Variants in SSBP2 observed in about 807,000 individuals in gnomAD.
SSBP2 encodes the protein single stranded DNA binding protein 2, also known as single-stranded DNA-binding protein 2.
In SSBP2, 17 loss-of-function variants were observed where a neutral mutation model predicts 61.8. The observed-to-expected ratio is 0.28, with a 90% CI of 0.19 to 0.41. The LOEUF (loss-of-function observed/expected upper bound fraction) is 0.41, where lower values mean the gene tolerates loss of function less well. SSBP2 is among the 10% of genes least tolerant of loss of function. SSBP2 has a pLI of 1.00. For missense variants in SSBP2, 310 were observed against 458.7 expected, an observed-to-expected ratio of 0.68 and a Z score of 2.96; for synonymous variants, 139 against 141.3, an observed-to-expected ratio of 0.98 and a Z score of 0.12.
chr5:81,547,481 CTT>C, intron 4 of SSBP2, among the ~76,000 whole-genome samples: 1 of 148,428 alleles, frequency 6.7e-6, no homozygotes, highest in Non-Finnish European at 1.5e-5. Context: ...TTTTTTTTTT[CTT>C]TGAGACAGGA....
At chr5:81,533,665 C>T (rs1430286555) in intron 4 of SSBP2, among the ~76,000 whole-genome samples, 3 of 152,038 alleles carry the variant, frequency 2.0e-5, no homozygotes, top group Admixed American at 6.6e-5. Context: ...CAAGGCAAAC[C>T]ACTGCCCCCA....
rs1160080305 is a variant in SSBP2, at chr5:81,445,138, T to TTATATATATATATATA, written c.778+1714_778+1729dup. 1.2e-3 allele frequency among the ~76,000 whole-genome samples: 39 copies of TTATATATATATATATA among 33,862 alleles called. 1 individual carries two copies. The highest frequency in any genetic ancestry group is 2.1e-3 in the Admixed American group (4 of 1,886). The allele number at this position is 33,862 out of a possible 152,430, so 22.2% of individuals were successfully genotyped here. On this transcript the variant is annotated intron_variant, in intron 12 of 16. Transcript: ENST00000320672. ...TGTCTCAGCAAAGAAAAAAAAAATT[T>TTATATATATATATATA]TATATATATATATATATATATATAT...
intron 16 of SSBP2, among the ~76,000 whole-genome samples, chr5:81,424,332 G>A (rs527777830): frequency 5.9e-5 from 9 of 152,220 alleles, no homozygotes; most frequent in African/African-American, 1.9e-4. Flanking sequence ...GCTGAGTTGG[G>A]AGAACTGCTT....
At chr5:81,518,940 T>G (rs905944064) in intron 4 of SSBP2, among the ~76,000 whole-genome samples, 2 of 152,184 alleles carry the variant, frequency 1.3e-5, no homozygotes, top group Non-Finnish European at 2.9e-5. Flanking sequence ...ATTGTATTTC[T>G]GAGATAAGTC....
At chr5:81,697,158 A>G (rs1018302185) in intron 1 of SSBP2, among the ~76,000 whole-genome samples, 1 of 152,268 alleles carries the variant, frequency 6.6e-6, no homozygotes, top group African/African-American at 2.4e-5. Context: ...GGCTGTCAAA[A>G]ATTCGGCTGT....
intron 1 of SSBP2, among the ~76,000 whole-genome samples, chr5:81,743,892 C>A (rs150222589): frequency 2.2e-4 from 33 of 152,154 alleles, no homozygotes; most frequent in African/African-American, 7.7e-4. Context: ...GATCCTGAAC[C>A]CTGATGTTCT....
At position 81,535,426 on chromosome 5, in the gene SSBP2, T is replaced by C. The variant is rs150289183; in HGVS notation, c.283-21709A>G. Among the ~76,000 whole-genome samples the C allele has an allele frequency of 3.0e-3, 449 of 152,176 alleles. 2 individuals carry two copies. The highest frequency in any genetic ancestry group is 0.011 in the African/African-American group (440 of 41,556). On this transcript the variant is annotated intron_variant, in intron 4 of 16. Transcript: ENST00000320672. The stretch of plus-strand genomic sequence containing the variant: ...AACGAACTTATTTCGTCGCTATTGA[T>C]GAACAAATTGTAAAGTTTATATGAA...
At chr5:81,598,043 T>C (rs1743968943) in intron 4 of SSBP2, among the ~76,000 whole-genome samples, 4 of 151,116 alleles carry the variant, frequency 2.6e-5, no homozygotes, top group African/African-American at 9.7e-5. Flanking sequence ...AAAATAAATT[T>C]AAAAGAGGAC....
chr5:81,610,205 G>A (rs1745314516), intron 4 of SSBP2, among the ~76,000 whole-genome samples: 1 of 152,150 alleles, frequency 6.6e-6, no homozygotes, highest in Non-Finnish European at 1.5e-5. Flanking sequence ...AAGACTGGGG[G>A]GAGAGGTGGC....
At chr5:81,466,625 T>C (rs190880870) in intron 9 of SSBP2, among the ~76,000 whole-genome samples, 4 of 152,128 alleles carry the variant, frequency 2.6e-5, no homozygotes, top group African/African-American at 7.2e-5. Context: ...AGTCCTGGTG[T>C]TAGCATCTCT....
chr5:81,595,419 G>A (rs1743620595), intron 4 of SSBP2, among the ~76,000 whole-genome samples: 3 of 152,178 alleles, frequency 2.0e-5, no homozygotes, highest in Non-Finnish European at 4.4e-5. Context: ...GGTACAAAGA[G>A]GAGCTGGTAC....
chr5:81,517,355 T>G (rs1393951443), intron 4 of SSBP2, among the ~76,000 whole-genome samples: 1 of 151,442 alleles, frequency 6.6e-6, no homozygotes, highest in East Asian at 1.9e-4. Context: ...CTTAGCCATC[T>G]GTCCTAAATT....
chr5:81,637,228 C>T (rs1364213569), intron 2 of SSBP2, among the ~76,000 whole-genome samples: 2 of 152,220 alleles, frequency 1.3e-5, no homozygotes, highest in African/African-American at 4.8e-5. Context: ...CAAGTAACAG[C>T]AGTCCCACAC....
chr5:81,703,835 A>T (rs1409711714), intron 1 of SSBP2, among the ~76,000 whole-genome samples: 11 of 152,198 alleles, frequency 7.2e-5, no homozygotes, highest in Admixed American at 7.2e-4. Context: ...AAATATGGTG[A>T]CTACTTTTTC....
At chr5:81,645,978 T>C (rs1051159517) in intron 2 of SSBP2, among the ~76,000 whole-genome samples, 3 of 152,198 alleles carry the variant, frequency 2.0e-5, no homozygotes, top group African/African-American at 4.8e-5. Flanking sequence ...TTAATAATAA[T>C]GTGCCCCACT....
Position 81,751,026 on chromosome 5 carries a change from T to C in SSBP2, c.17A>G (p.Lys6Arg). The C allele has an allele frequency of 1.3e-6, 2 of 1,599,088 alleles. No individual in the cohort carries two copies. The highest frequency in any genetic ancestry group is 1.7e-6 in the Non-Finnish European group (2 of 1,172,972). The change falls in exon 1 of 17, where the codon AAG becomes AGG. Residue 6 changes from lysine (K) to arginine (R), a missense_variant. By Grantham distance (26) the Lys-to-Arg change is conservative. Coordinates refer to ENST00000320672, the MANE Select transcript of SSBP2 (RefSeq NM_012446.5). ...GGACGGGACGGCGCTGCTGTTACTC[T>C]TGCCTTTGCCGTACATGCTTGTGCC... is the stretch of plus-strand genomic sequence containing the variant.
intron 1 of SSBP2, among the ~76,000 whole-genome samples, chr5:81,730,426 T>C (rs1323892962): frequency 2.6e-5 from 4 of 152,162 alleles, no homozygotes; most frequent in Non-Finnish European, 5.9e-5. Context: ...AGTTTCACCA[T>C]GTTGGCCAGG....
At chr5:81,621,548 T>C (rs1342264509) in intron 3 of SSBP2, among the ~76,000 whole-genome samples, 10 of 49,616 alleles carry the variant, frequency 2.0e-4, no homozygotes, top group African/African-American at 3.2e-4. Context: ...GTCAGTGTGG[T>C]GATTCCTCAG....
chr5:81,739,928 A>C (rs1241985085), intron 1 of SSBP2, among the ~76,000 whole-genome samples: 1 of 152,162 alleles, frequency 6.6e-6, no homozygotes, highest in Non-Finnish European at 1.5e-5. Context: ...GCATTTTGTC[A>C]ACTAGCAGCA....
Sources: allele counts gnomAD v4.1 joint callset (sites outside exome capture counted in the v4.1 genomes callset), GRCh38; gene constraint gnomAD v4.1.1; transcripts MANE v1.5; gene names NCBI Gene and HGNC (gene_info 2026-07-23, HGNC 2026-07-21).